IMPG2: variants seen among roughly 807,000 people sequenced by gnomAD.
IMPG2 encodes the protein interphotoreceptor matrix proteoglycan 2, also known as IPM 200.
IMPG2 carries 91 observed loss-of-function variants against 129.2 expected under a neutral mutation model. The observed-to-expected ratio is 0.70, with a 90% confidence interval of 0.59 to 0.84. IMPG2 has a LOEUF of 0.84. Among genes scored for constraint, IMPG2 ranks in the 40% least tolerant of loss-of-function variants. The probability of loss-of-function intolerance (pLI) is 0.00; values close to 1 mark genes in which losing one functional copy is unlikely to be tolerated. For missense variants in IMPG2, 1,430 were observed against 1,461.7 expected (o/e 0.98, Z 0.35); for synonymous variants, 510 against 517.7 (o/e 0.99, Z 0.20).
intron 4 of IMPG2, among the ~76,000 whole-genome samples, chr3:101,285,200 T>C (rs1052807562): frequency 6.6e-6 from 1 of 152,174 alleles, no homozygotes; most frequent in Non-Finnish European, 1.5e-5. Flanking sequence ...ATATGTCATC[T>C]CATAAGAGGT....
chr3:101,261,854 T>C (rs1484075636), intron 9 of IMPG2, among the ~76,000 whole-genome samples: 2 of 152,070 alleles, frequency 1.3e-5, no homozygotes, highest in African/African-American at 4.8e-5. Context: ...GATAAAATGG[T>C]ATGTGATTGA....
At chr3:101,309,246 A>G (rs924152957) in intron 2 of IMPG2, among the ~76,000 whole-genome samples, 3 of 152,052 alleles carry the variant, frequency 2.0e-5, no homozygotes, top group Non-Finnish European at 2.9e-5. Flanking sequence ...TTGCTTCCAC[A>G]TTTTTGGGTA....
intron 11 of IMPG2, among the ~76,000 whole-genome samples, chr3:101,253,462 CT>C (rs1053802732): frequency 6.6e-6 from 1 of 152,062 alleles, no homozygotes; most frequent in Non-Finnish European, 1.5e-5. Context: ...GGTTTCTACC[CT>C]GTGTGGAGTT....
chr3:101,252,309 C>T (rs1706553415), intron 11 of IMPG2, among the ~76,000 whole-genome samples: 1 of 152,142 alleles, frequency 6.6e-6, no homozygotes, highest in African/African-American at 2.4e-5. Flanking sequence ...TCCAGCTAGT[C>T]TCCAGTTTGC....
chr3:101,267,390 T>C (rs1706731396), intron 9 of IMPG2, 121 bp downstream of exon 9: 1 of 865,998 alleles, frequency 1.2e-6, no homozygotes, highest in East Asian at 2.5e-5. Flanking sequence ...TCTGAAAAAG[T>C]CAGACAGTGA....
intron 15 of IMPG2, 133 bp from the exon 16 acceptor site, chr3:101,231,278 G>A (rs1032831921): frequency 3.8e-5 from 32 of 835,094 alleles, no homozygotes; most frequent in Non-Finnish European, 5.1e-5. Context: ...ATAAAGAGTT[G>A]AATAGACAGA....
At chr3:101,248,554 A>G (rs1371311238) in intron 11 of IMPG2, among the ~76,000 whole-genome samples, 2 of 152,164 alleles carry the variant, frequency 1.3e-5, no homozygotes, top group Non-Finnish European at 2.9e-5. Context: ...TTTGAACTAC[A>G]CACTCTCCCA....
At chr3:101,280,563 A>G (rs1706882115) in intron 4 of IMPG2, among the ~76,000 whole-genome samples, 1 of 152,220 alleles carries the variant, frequency 6.6e-6, no homozygotes. Context: ...AGCATCAGAA[A>G]AAGTATGAAA....
intron 2 of IMPG2, among the ~76,000 whole-genome samples, chr3:101,304,920 T>C (rs1200280305): frequency 6.6e-6 from 1 of 151,442 alleles, no homozygotes; most frequent in East Asian, 1.9e-4. Flanking sequence ...AAGTACTACA[T>C]AAAATCAAGT....
intron 4 of IMPG2, among the ~76,000 whole-genome samples, chr3:101,277,930 A>G (rs528767117): frequency 6.6e-6 from 1 of 152,328 alleles, no homozygotes; most frequent in South Asian, 2.1e-4. Context: ...TTTTCAACTC[A>G]TAGCAATTAA....
intron 14 of IMPG2, among the ~76,000 whole-genome samples, chr3:101,234,894 A>C (rs115400046): frequency 6.6e-6 from 1 of 152,330 alleles, no homozygotes; most frequent in Non-Finnish European, 1.5e-5. Flanking sequence ...TATAAGATTG[A>C]ATATCCCTTA....
intron 18 of IMPG2, among the ~76,000 whole-genome samples, chr3:101,228,326 G>A (rs1358124041): frequency 6.6e-6 from 1 of 152,200 alleles, no homozygotes; most frequent in Non-Finnish European, 1.5e-5. Flanking sequence ...GAAAGAATAT[G>A]TTGAAATATG....
intron 11 of IMPG2, among the ~76,000 whole-genome samples, chr3:101,250,819 G>T (rs979028409): frequency 1.3e-5 from 2 of 152,114 alleles, no homozygotes; most frequent in African/African-American, 4.8e-5. Context: ...TCAAATACCT[G>T]CTCTATGGAA....
intron 9 of IMPG2, among the ~76,000 whole-genome samples, chr3:101,258,209 G>T (rs1706633125): frequency 6.6e-6 from 1 of 152,024 alleles, no homozygotes; most frequent in Admixed American, 6.6e-5. Flanking sequence ...GACAAATTAT[G>T]TACTGGAACA....
intron 10 of IMPG2, 50 bp downstream of exon 10, chr3:101,257,479 A>C (rs369470116): frequency 1.9e-6 from 3 of 1,605,186 alleles, no homozygotes; most frequent in South Asian, 1.1e-5. Context: ...ACACCAGAGC[A>C]TACTGGAAAA....
intron 14 of IMPG2, among the ~76,000 whole-genome samples, chr3:101,235,670 G>T (rs1429191783): frequency 1.3e-5 from 2 of 152,160 alleles, no homozygotes; most frequent in Admixed American, 1.3e-4. Context: ...AAGAAAGGGT[G>T]CCCAGGTAGC....
chr3:101,286,512 C>A lies in IMPG2; in HGVS notation c.533+4967G>T, dbSNP rs1706947258. Among the ~76,000 whole-genome samples, 3 of 152,120 alleles carry A rather than the reference C, an allele frequency of 2.0e-5. No individual in the cohort carries two copies. In the South Asian group the frequency reaches 6.2e-4, roughly 32 times the overall value. On this transcript the variant is annotated intron_variant, in intron 4 of 18. Transcript: ENST00000193391. The stretch of plus-strand genomic sequence containing the variant: ...TATGACAAGATAATGAAGAAAAAGT[C>A]TCATCTCTCTTCCCCTTGGCATCTT...
At chr3:101,317,129 AGAGT>A (rs2058789311) in intron 2 of IMPG2, among the ~76,000 whole-genome samples, 1 of 152,026 alleles carries the variant, frequency 6.6e-6, no homozygotes, top group Admixed American at 6.6e-5. Context: ...GAAATGTTTA[AGAGT>A]GATTGATAGG....
At chr3:101,260,908 C>CAA (rs1170678405) in intron 9 of IMPG2, among the ~76,000 whole-genome samples, 1 of 152,092 alleles carries the variant, frequency 6.6e-6, no homozygotes, top group African/African-American at 2.4e-5. Context: ...AATGAAGAAA[C>CAA]AAATGGTCAA....
Sources: allele counts gnomAD v4.1 joint callset (sites outside exome capture counted in the v4.1 genomes callset), GRCh38; gene constraint gnomAD v4.1.1; transcripts MANE v1.5; gene names NCBI Gene and HGNC (gene_info 2026-07-23, HGNC 2026-07-21).